Variants in TENM3 observed in about 807,000 individuals in gnomAD.
TENM3 encodes teneurin transmembrane protein 3, also known as teneurin-3.
In TENM3, 63 loss-of-function variants were observed where a neutral mutation model predicts 255.1. The ratio of observed to expected loss-of-function variants is 0.25; its 90% CI spans 0.20 to 0.30. The LOEUF (loss-of-function observed/expected upper bound fraction) is 0.30. Ranked by LOEUF, TENM3 falls within the 10% of genes least tolerant of loss-of-function variation. The probability of loss-of-function intolerance (pLI) is 1.00; values close to 1 mark genes in which losing one functional copy is unlikely to be tolerated. For synonymous variants in TENM3, 1,306 were observed against 1,322.3 expected (o/e 0.99, Z 0.27); for missense variants, 2,929 against 3,461.1 (o/e 0.85, Z 3.86).
chr4:182,793,717 T>C lies in TENM3; in HGVS notation c.7045T>C (p.Leu2349=), dbSNP rs202097221. 406 of 1,614,004 alleles carry C rather than the reference T, an allele frequency of 2.5e-4. 2 individuals carry two copies. The African/African-American group carries it at 5.0e-3, about 20-fold the overall frequency. The stretch of plus-strand genomic sequence containing the variant: ...TGGCCTGTATGACCCACTCACCAAA[T>C]TAATCCACTTTGGAGAAAGAGATTA... ...HGGLYDPLTK[L]IHFGERDYDI... The change falls in exon 26 of 28, where the codon TTA becomes CTA. Residue 2349 remains leucine, a synonymous_variant. Coordinates refer to ENST00000511685, the MANE Select transcript of TENM3 (RefSeq NM_001080477.4). The surrounding 1 kb of genome is among the most constrained non-coding windows in gnomAD (Gnocchi z 5.7).
intron 23 of TENM3, chr4:182,773,881 G>A: frequency 2.8e-6 from 1 of 359,546 alleles, no homozygotes; most frequent in Admixed American, 4.6e-5. Flanking sequence ...CCATTCCCAT[G>A]TATTAAAACA....
chr4:181,672,720 T>C, the TENM3 span, among the ~76,000 whole-genome samples: 22 of 152,220 alleles, frequency 1.4e-4, no homozygotes, highest in Admixed American at 1.4e-3. Context: ...TTATAGGTGC[T>C]AGCAATAACT....
At chr4:182,509,430 T>C (rs943925169) in intron 3 of TENM3, among the ~76,000 whole-genome samples, 1 of 152,208 alleles carries the variant, frequency 6.6e-6, no homozygotes, top group Non-Finnish European at 1.5e-5. Context: ...CACTCTCTCT[T>C]GCACATTTAT....
chr4:181,941,086 T>A, the TENM3 span, among the ~76,000 whole-genome samples: 1 of 152,186 alleles, frequency 6.6e-6, no homozygotes, highest in Non-Finnish European at 1.5e-5. Flanking sequence ...AGAATGGGAA[T>A]GGGAGGTGGA....
chr4:181,931,626 A>C, the TENM3 span, among the ~76,000 whole-genome samples: 1 of 152,218 alleles, frequency 6.6e-6, no homozygotes, highest in African/African-American at 2.4e-5. Context: ...ATTCTCATCA[A>C]ACTACCATTG....
At chr4:182,263,159 C>T (rs1758971680) in intron 1 of TENM3, among the ~76,000 whole-genome samples, 3 of 151,934 alleles carry the variant, frequency 2.0e-5, no homozygotes, top group Non-Finnish European at 4.4e-5. Context: ...AACCCTGAGC[C>T]GCGGGGTCAG....
intron 4 of TENM3, among the ~76,000 whole-genome samples, chr4:182,601,950 C>G (rs1747925986): frequency 6.6e-6 from 1 of 152,218 alleles, no homozygotes; most frequent in Non-Finnish European, 1.5e-5. Context: ...CATAGTGTTT[C>G]ATTAAGGTTC....
chr4:182,072,515 A>G, the TENM3 span, among the ~76,000 whole-genome samples: 1 of 152,232 alleles, frequency 6.6e-6, no homozygotes, highest in African/African-American at 2.4e-5. Flanking sequence ...TAATTCTTGA[A>G]ACCAAATAAA....
chr4:182,359,944 G>C (rs1293030571), intron 3 of TENM3, among the ~76,000 whole-genome samples: 2 of 151,614 alleles, frequency 1.3e-5, no homozygotes, highest in East Asian at 3.9e-4. Context: ...TGGTTTCAAA[G>C]AACATCTTTA....
the TENM3 span, among the ~76,000 whole-genome samples, chr4:181,899,547 T>G: frequency 1.3e-5 from 2 of 151,172 alleles, no homozygotes; most frequent in Non-Finnish European, 2.9e-5. Context: ...TTGTTTTGTT[T>G]TTTGTTTTGT....
chr4:181,733,692 G>C, the TENM3 span, among the ~76,000 whole-genome samples: 1 of 152,158 alleles, frequency 6.6e-6, no homozygotes, highest in African/African-American at 2.4e-5. Context: ...GTTGGGGAAA[G>C]GAGAGGCTCC....
At chr4:182,752,363 C>A (rs191772149) in intron 20 of TENM3, among the ~76,000 whole-genome samples, 3 of 152,244 alleles carry the variant, frequency 2.0e-5, no homozygotes, top group Admixed American at 1.3e-4. Flanking sequence ...TATCCAAATT[C>A]TTTCATAGTC....
chr4:182,526,955 C>T (rs1328038542), intron 3 of TENM3, among the ~76,000 whole-genome samples: 2 of 148,272 alleles, frequency 1.3e-5, no homozygotes, highest in Non-Finnish European at 2.9e-5. Flanking sequence ...TTAGCCCTTT[C>T]GCTCCTTTCT....
rs542686369 is a variant in TENM3, at chr4:182,377,023, G to A, written c.511+30094G>A. ...CCCGGAATACTCCAGGTTTATGTCT[G>A]TTGTCCCAGTGTAATCCGTCCGCAC... On this transcript the variant is annotated intron_variant, in intron 3 of 27. Transcript: ENST00000511685. Among the ~76,000 whole-genome samples the A allele has an allele frequency of 9.9e-5, 15 of 152,264 alleles. No individual in the cohort carries two copies. The East Asian group carries it at 2.9e-3, about 29-fold the overall frequency.
the TENM3 span, among the ~76,000 whole-genome samples, chr4:181,574,328 G>A: frequency 5.3e-5 from 8 of 151,772 alleles, no homozygotes; most frequent in Non-Finnish European, 7.4e-5. Flanking sequence ...TCAGGAGATC[G>A]AGACCATCCT....
the TENM3 span, among the ~76,000 whole-genome samples, chr4:181,543,747 T>C: frequency 2.6e-5 from 4 of 152,210 alleles, no homozygotes; most frequent in African/African-American, 4.8e-5. Context: ...AGGTAGTTTT[T>C]AGTGTTTCGT....
chr4:181,748,514 CG>C, the TENM3 span, among the ~76,000 whole-genome samples: 1 of 151,984 alleles, frequency 6.6e-6, no homozygotes, highest in African/African-American at 2.4e-5. Context: ...GTTTCTGTAT[CG>C]AAATTACTAA....
the TENM3 span, among the ~76,000 whole-genome samples, chr4:182,083,698 A>G: frequency 2.0e-5 from 3 of 152,226 alleles, no homozygotes; most frequent in East Asian, 1.9e-4. Context: ...CTTAAACCTG[A>G]GGTCTTAAGC....
At chr4:181,798,088 T>C in the TENM3 span, among the ~76,000 whole-genome samples, 1 of 79,410 alleles carries the variant, frequency 1.3e-5, no homozygotes, top group African/African-American at 5.7e-5. Flanking sequence ...TATTTCAAAA[T>C]AAGTGTGTGT....
Sources: allele counts gnomAD v4.1 joint callset (sites outside exome capture counted in the v4.1 genomes callset), GRCh38; gene constraint gnomAD v4.1.1; non-coding constraint Gnocchi (gnomAD v3.1); transcripts MANE v1.5; gene names NCBI Gene and HGNC (gene_info 2026-07-23, HGNC 2026-07-21).